MACF1: variants seen among roughly 807,000 people sequenced by gnomAD.
The protein encoded by MACF1 is microtubule-actin cross-linking factor 1.
In MACF1, 193 loss-of-function variants were observed where a neutral mutation model predicts 854.8. The observed-to-expected ratio is 0.23, with a 90% CI of 0.20 to 0.25. The LOEUF (loss-of-function observed/expected upper bound fraction) is 0.25. Ranked by LOEUF, MACF1 falls within the 10% of genes least tolerant of loss-of-function variation. The pLI, the probability that MACF1 is intolerant of heterozygous loss-of-function variation, is 1.00. For missense variants in MACF1, 7,722 were observed against 8,929.1 expected (o/e 0.86, Z 5.45); for synonymous variants, 3,185 against 3,226.7 (o/e 0.99, Z 0.44).
At chr1:39,160,018 A>G (rs566826584) in intron 2 of MACF1, among the ~76,000 whole-genome samples, 3 of 152,286 alleles carry the variant, frequency 2.0e-5, no homozygotes, top group African/African-American at 4.8e-5. Context: ...TTTGTATGCT[A>G]TAAAGGGATA....
intron 63 of MACF1, among the ~76,000 whole-genome samples, chr1:39,428,916 T>C (rs1048009201): frequency 6.6e-6 from 1 of 152,208 alleles, no homozygotes; most frequent in African/African-American, 2.4e-5. Context: ...TTCTGTTTAT[T>C]CCTTATTTTG....
chr1:39,146,652 T>C (rs750705730), intron 2 of MACF1, among the ~76,000 whole-genome samples: 2 of 151,744 alleles, frequency 1.3e-5, no homozygotes, highest in African/African-American at 2.4e-5. Context: ...ATTAAAATAA[T>C]TGAACTCATG....
At chr1:39,464,866 A>G (rs560883188) in intron 94 of MACF1, 8 of 478,202 alleles carry the variant, frequency 1.7e-5, no homozygotes, top group African/African-American at 2.0e-5. Flanking sequence ...GTGAGCCATG[A>G]TCGCGCCACT....
At chr1:39,215,473 A>C (rs1276366912) in intron 1 of MACF1, 1 of 149,902 alleles carries the variant, frequency 6.7e-6, no homozygotes, top group African/African-American at 2.5e-5. Flanking sequence ...TCCGGGCCTG[A>C]GGATCCCAAA....
chr1:39,279,425 A>T (rs1250989633), intron 6 of MACF1, among the ~76,000 whole-genome samples: 4 of 151,756 alleles, frequency 2.6e-5, no homozygotes, highest in African/African-American at 9.7e-5. Flanking sequence ...TTAAAATATC[A>T]TCTGATATTT....
chr1:39,455,918 T>A (rs1350365119), intron 89 of MACF1, among the ~76,000 whole-genome samples: 1 of 152,262 alleles, frequency 6.6e-6, no homozygotes, highest in Non-Finnish European at 1.5e-5. Context: ...GTAGACTATA[T>A]GGTCTTTTTA....
chr1:39,427,100 G>T (rs1643753139), intron 61 of MACF1, among the ~76,000 whole-genome samples: 1 of 152,130 alleles, frequency 6.6e-6, no homozygotes, highest in African/African-American at 2.4e-5. Flanking sequence ...TTTGATTTGT[G>T]TTAAATAAGG....
chr1:39,218,092 A>G (rs1571186422), intron 1 of MACF1, among the ~76,000 whole-genome samples: 1 of 148,104 alleles, frequency 6.8e-6, no homozygotes, highest in South Asian at 2.2e-4. Flanking sequence ...CTGAGGCAGG[A>G]GAATGGCGTA....
rs1643617622 is a variant in MACF1, at chr1:39,153,155, C to T, written c.220+68717C>T. Among the ~76,000 whole-genome samples the T allele has an allele frequency of 2.0e-5, 3 of 152,184 alleles. No homozygotes were observed. The South Asian group carries it at 6.2e-4, about 32-fold the overall frequency. On this transcript the variant is annotated intron_variant, in intron 2 of 93. Coordinates refer to the MACF1 transcript ENST00000361689. ...TGCCTTTGTGGAAATCAATTTCCTACCCTTCCATCTCTCTGCTAGAGATCT... is the reference window on the plus strand; with the variant it reads ...TGCCTTTGTGGAAATCAATTTCCTATCCTTCCATCTCTCTGCTAGAGATCT...
At chr1:39,308,748 C>T (rs1214887656) in intron 23 of MACF1, among the ~76,000 whole-genome samples, 6 of 151,878 alleles carry the variant, frequency 4.0e-5, no homozygotes, top group South Asian at 2.1e-4. Context: ...CTCCACCTCC[C>T]GGGTTCAAGC....
At chr1:39,163,128 G>A (rs1643836145) in intron 2 of MACF1, among the ~76,000 whole-genome samples, 2 of 151,922 alleles carry the variant, frequency 1.3e-5, no homozygotes, top group Admixed American at 6.6e-5. Flanking sequence ...CGAGGCTGGC[G>A]GATCACGAGG....
chr1:39,428,045 C>T lies in MACF1; in HGVS notation c.16561C>T (p.Pro5521Ser), dbSNP rs1643780762. 6.2e-7 allele frequency: 1 copy of T among 1,614,220 alleles called. No homozygotes were observed. Among genetic ancestry groups the T allele is most frequent in the Non-Finnish European group, 8.5e-7 (1 of 1,180,032 alleles). The change falls in exon 63 of 101, where the codon CCT becomes TCT. Residue 5521 changes from proline (P) to serine (S), a missense_variant. Physicochemically the swap from Pro to Ser is moderately conservative, Grantham distance 74. This residue lies in a region of MACF1 where 2,807 missense variants were observed against 3,235.8 expected (regional missense o/e 0.87). Transcript: ENST00000564288. ...IGQSLSSLTS[P>S]AEQGVLSEKI... ...GCAGTCCCTCTCCTCCCTGACATCT[C>T]CTGCAGAACAGGGTGTGCTGTCAGA...
intron 2 of MACF1, among the ~76,000 whole-genome samples, chr1:39,115,955 A>G (rs1331282920): frequency 6.6e-6 from 1 of 152,208 alleles, no homozygotes; most frequent in Non-Finnish European, 1.5e-5. Flanking sequence ...GAACATTTTC[A>G]GTGGAGTTGT....
At chr1:39,220,031 G>A (rs1218848726) in intron 1 of MACF1, among the ~76,000 whole-genome samples, 3 of 152,114 alleles carry the variant, frequency 2.0e-5, no homozygotes, top group African/African-American at 4.8e-5. Flanking sequence ...GATGGCAGGC[G>A]TGAGAGCCAC....
chr1:39,109,634 A>C (rs546336637), intron 2 of MACF1, among the ~76,000 whole-genome samples: 5 of 151,956 alleles, frequency 3.3e-5, no homozygotes, highest in African/African-American at 1.2e-4. Context: ...ACCAGAAGGA[A>C]CCTTTAATGT....
At chr1:39,319,636 G>A (rs756059850) in intron 30 of MACF1, 28 bp from the exon 31 acceptor site, 2 of 1,481,000 alleles carry the variant, frequency 1.4e-6, no homozygotes, top group Non-Finnish European at 1.9e-6. Context: ...TAATGGCAAT[G>A]ATAATGTTGT....
At position 39,387,417 on chromosome 1, in the gene MACF1, T is replaced by G; in HGVS notation, c.14575T>G (p.Ser4859Ala). 1 of 1,614,134 alleles carries G rather than the reference T, an allele frequency of 6.2e-7. No homozygotes were observed. The highest frequency in any genetic ancestry group is 8.5e-7 in the Non-Finnish European group (1 of 1,180,026). The change falls in exon 58 of 101, where the codon TCT becomes GCT. Residue 4859 changes from serine to alanine, a missense_variant. By Grantham distance (99) the Ser-to-Ala change is moderately conservative (BLOSUM62 1). Transcript: ENST00000564288. ...SYEVIVAEGE[S>A]LLLSVPPGEE... Reference sequence around the variant, plus strand: ...TGAGGTGATTGTGGCTGAAGGGGAATCTCTACTTCTTTCTGTACCTCCTGG... The same window carrying G: ...TGAGGTGATTGTGGCTGAAGGGGAAGCTCTACTTCTTTCTGTACCTCCTGG...
intron 2 of MACF1, among the ~76,000 whole-genome samples, chr1:39,240,623 C>A (rs560921582): frequency 6.6e-6 from 1 of 152,176 alleles, no homozygotes; most frequent in Non-Finnish European, 1.5e-5. Context: ...CTCAGCCTCC[C>A]GAGTAGCTGG....
chr1:39,398,446 A>AT (rs1642357348), intron 58 of MACF1, among the ~76,000 whole-genome samples: 1 of 151,796 alleles, frequency 6.6e-6, no homozygotes, highest in Non-Finnish European at 1.5e-5. Flanking sequence ...GCCCAGAGAC[A>AT]TTTTTTATTG....
Sources: allele counts gnomAD v4.1 joint callset (sites outside exome capture counted in the v4.1 genomes callset), GRCh38; gene constraint gnomAD v4.1.1; regional missense constraint gnomAD v4.1.1; transcripts MANE v1.5; gene names NCBI Gene and HGNC (gene_info 2026-07-23, HGNC 2026-07-21).